Variants in OR6N1 observed in about 807,000 individuals in gnomAD.
The protein encoded by OR6N1 is olfactory receptor family 6 subfamily N member 1.
For synonymous variants in OR6N1, 170 were observed against 150.7 expected, an observed-to-expected ratio of 1.13 and a Z score of -0.94; for missense variants, 394 against 371.7, an observed-to-expected ratio of 1.06 and a Z score of -0.49.
chr1:158,839,974 G>T, the OR6N1 span, among the ~76,000 whole-genome samples: 1 of 152,090 alleles, frequency 6.6e-6, no homozygotes, highest in African/African-American at 2.4e-5. Flanking sequence ...CAAAATTTTA[G>T]TTTGAAAAAT....
the OR6N1 span, among the ~76,000 whole-genome samples, chr1:158,805,139 G>A: frequency 6.6e-6 from 1 of 152,210 alleles, no homozygotes; most frequent in Non-Finnish European, 1.5e-5. Flanking sequence ...GTTTATATCT[G>A]TTGTCACTGG....
the OR6N1 span, among the ~76,000 whole-genome samples, chr1:158,802,327 C>A: frequency 6.6e-6 from 1 of 151,564 alleles, no homozygotes; most frequent in Admixed American, 6.6e-5. Context: ...CCTGCCTCAG[C>A]CTCCCAAGTA....
the OR6N1 span, among the ~76,000 whole-genome samples, chr1:158,802,199 C>CT: frequency 0.022 from 2,332 of 105,204 alleles, 171 homozygotes; most frequent in Non-Finnish European, 0.031. Flanking sequence ...CCTCATAGCA[C>CT]TTTTTTTTTT....
At chr1:158,769,200 A>G (rs184256798) in intron 1 of OR6N1, among the ~76,000 whole-genome samples, 7 of 152,226 alleles carry the variant, frequency 4.6e-5, no homozygotes, top group Non-Finnish European at 8.8e-5. Flanking sequence ...ATCTCACTCT[A>G]TCACCCAGCC....
the OR6N1 span, among the ~76,000 whole-genome samples, chr1:158,840,259 T>C: frequency 1.3e-5 from 2 of 152,132 alleles, no homozygotes; most frequent in Admixed American, 1.3e-4. Flanking sequence ...CACGCTGCTA[T>C]GAAGAAATAC....
chr1:158,817,633 TGAA>T, the OR6N1 span, among the ~76,000 whole-genome samples: 4 of 152,146 alleles, frequency 2.6e-5, no homozygotes, highest in Non-Finnish European at 4.4e-5. Flanking sequence ...CAGCAATTGT[TGAA>T]GTAATGAGAA....
chr1:158,795,624 G>A, the OR6N1 span, among the ~76,000 whole-genome samples: 1 of 152,146 alleles, frequency 6.6e-6, no homozygotes, highest in Non-Finnish European at 1.5e-5. Flanking sequence ...TCCCCATGTT[G>A]TTCCTTCTCA....
At chr1:158,830,336 G>A in the OR6N1 span, among the ~76,000 whole-genome samples, 1 of 152,032 alleles carries the variant, frequency 6.6e-6, no homozygotes, top group African/African-American at 2.4e-5. Context: ...CCCTGCTTTA[G>A]TGGGGTTTAG....
chr1:158,780,039 C>A, the OR6N1 span, among the ~76,000 whole-genome samples: 3 of 152,242 alleles, frequency 2.0e-5, no homozygotes, highest in East Asian at 5.8e-4. Flanking sequence ...GTTACATTTT[C>A]TCTTTTGCAC....
At chr1:158,787,389 C>A in the OR6N1 span, among the ~76,000 whole-genome samples, 1 of 152,064 alleles carries the variant, frequency 6.6e-6, no homozygotes, top group African/African-American at 2.4e-5. Flanking sequence ...TTATAACAAT[C>A]CAAGAAAGGC....
chr1:158,773,623 C>T (rs996099012), upstream of OR6N1, among the ~76,000 whole-genome samples: 4 of 152,132 alleles, frequency 2.6e-5, no homozygotes, highest in Non-Finnish European at 4.4e-5. Flanking sequence ...CCTTGGCTTA[C>T]AAAATCTATA....
Position 158,766,437 on chromosome 1 carries a change from C to A in OR6N1, c.246G>T (p.Leu82=), listed in dbSNP as rs373696554. 1.8e-5 allele frequency: 29 copies of A among 1,614,062 alleles called. No individual in the cohort carries two copies. Among genetic ancestry groups the A allele is most frequent in the Non-Finnish European group, 2.3e-5 (27 of 1,179,992 alleles). The change falls in exon 2 of 2, where the codon CTG becomes CTT. Residue 82 remains leucine (L), a synonymous_variant. Transcript: ENST00000641846. The stretch of plus-strand genomic sequence containing the variant: ...TCTTTTTCTCACTGAGCAAGTTTGC[C>A]AGCATCTTAGGGATGGTGGCAGCTG... ...GYTAATIPKM[L]ANLLSEKKTI...
At chr1:158,772,826 G>A (rs529208989), upstream of OR6N1, among the ~76,000 whole-genome samples, 38 of 152,256 alleles carry the variant, frequency 2.5e-4, no homozygotes, top group African/African-American at 7.9e-4. Context: ...ATTGCCAGAA[G>A]GGTGGATTTT....
the OR6N1 span, among the ~76,000 whole-genome samples, chr1:158,838,935 A>T: frequency 6.6e-6 from 1 of 151,958 alleles, no homozygotes; most frequent in Non-Finnish European, 1.5e-5. Flanking sequence ...TTTTCTGGTA[A>T]TTTCTATTTT....
At chr1:158,797,313 A>C in the OR6N1 span, among the ~76,000 whole-genome samples, 4 of 152,184 alleles carry the variant, frequency 2.6e-5, no homozygotes, top group African/African-American at 9.7e-5. Flanking sequence ...ACCTTTTCCA[A>C]TGTAGTAACT....
chr1:158,828,714 T>G, the OR6N1 span, among the ~76,000 whole-genome samples: 4 of 152,196 alleles, frequency 2.6e-5, no homozygotes, highest in African/African-American at 9.6e-5. Flanking sequence ...AACTCCATTA[T>G]GTGGTGCCCT....
chr1:158,814,829 T>A, the OR6N1 span, among the ~76,000 whole-genome samples: 1 of 152,176 alleles, frequency 6.6e-6, no homozygotes, highest in Non-Finnish European at 1.5e-5. Context: ...TATTTCCCAC[T>A]TCTTTTAACA....
chr1:158,776,927 C>T (rs750294694), upstream of OR6N1: 21 of 1,613,720 alleles, frequency 1.3e-5, no homozygotes, highest in Non-Finnish European at 1.8e-5. Context: ...GTAGAAAAGG[C>T]CTTCTTTCTT....
At chr1:158,798,706 G>C in the OR6N1 span, among the ~76,000 whole-genome samples, 1 of 151,878 alleles carries the variant, frequency 6.6e-6, no homozygotes, top group African/African-American at 2.4e-5. Flanking sequence ...GGTGGACCTT[G>C]TTAATTATTC....
Sources: gnomAD v4.1 joint callset for allele counts (sites outside exome capture counted in the v4.1 genomes callset) on GRCh38, gnomAD v4.1.1 for gene constraint, MANE v1.5 for transcripts, NCBI Gene and HGNC (gene_info 2026-07-23, HGNC 2026-07-21) for gene names.